FMNL1: variants seen among roughly 807,000 people sequenced by gnomAD.
The protein encoded by FMNL1 is formin like 1.
In FMNL1, 43 loss-of-function variants were observed where a neutral mutation model predicts 121.3. The ratio of observed to expected loss-of-function variants is 0.35; its 90% CI spans 0.28 to 0.46. The LOEUF is 0.46. Ranked by LOEUF, FMNL1 falls within the 20% of genes least tolerant of loss-of-function variation. FMNL1 has a pLI of 1.00. For synonymous variants in FMNL1, 613 were observed against 613.5 expected (o/e 1.00, Z 0.01); for missense variants, 1,191 against 1,482.4 (o/e 0.80, Z 3.23).
At position 45,243,287 on chromosome 17, in the gene FMNL1, T is replaced by C; in HGVS notation, c.2180T>C (p.Leu727Pro). The change falls in exon 17 of 27, where the codon CTG becomes CCG. Residue 727 changes from leucine to proline, a missense_variant. By Grantham distance (98) the Leu-to-Pro change is moderately conservative. Around this residue, in one of 4 missense-constraint regions of FMNL1, gnomAD observed 367 missense variants for 528.6 expected, o/e 0.69. Coordinates refer to ENST00000331495, the MANE Select transcript of FMNL1 (RefSeq NM_005892.4). ...NLAITLRKGNLGAERICQAIE... is the reference protein window; with the variant it reads ...NLAITLRKGNPGAERICQAIE... The stretch of plus-strand genomic sequence containing the variant: ...GCCATCACCCTGCGGAAGGGCAACC[T>C]GGGGGCCGAGCGCATCTGCCAAGCC... The C allele has an allele frequency of 2.5e-6, 4 of 1,613,578 alleles. No individual in the cohort carries two copies. The South Asian group carries it at 4.4e-5, about 18-fold the overall frequency.
Position 45,237,489 on chromosome 17 carries a change from A to C in FMNL1, c.801-57A>C. The C allele has an allele frequency of 6.2e-7, 1 of 1,610,980 alleles. No individual in the cohort carries two copies. Among genetic ancestry groups the C allele is most frequent in the South Asian group, 1.1e-5 (1 of 90,956 alleles). On this transcript the variant is annotated intron_variant, in intron 8 of 26. Coordinates refer to ENST00000331495, the MANE Select transcript of FMNL1 (RefSeq NM_005892.4). This position sits in a 1 kb window ranked among gnomAD's most constrained non-coding sequence, Gnocchi z 4.4. The stretch of plus-strand genomic sequence containing the variant: ...GCTCCTCCTAGCCAGGCCTGTGCCC[A>C]CCCTTGCCGCGGGTCCTGCCTGTTC...
chr17:45,241,047 C>A lies in FMNL1; in HGVS notation c.1231-82C>A, dbSNP rs2043677496. The A allele has an allele frequency of 6.5e-7, 1 of 1,544,750 alleles. No homozygotes were observed. On this transcript the variant is annotated intron_variant, in intron 12 of 26. Transcript: ENST00000331495. The surrounding 1 kb of genome is among the most constrained non-coding windows in gnomAD (Gnocchi z 7.0). ...TGGGAGCCTCCCCCAGTCTTCCAGG[C>A]AGGCATGCCTGATGCCGCCCCCTCA...
intron 11 of FMNL1, 83 bp from the exon 12 acceptor site, chr17:45,240,393 A>G (rs1261684767): frequency 2.3e-5 from 34 of 1,447,542 alleles, no homozygotes; most frequent in Non-Finnish European, 3.0e-5. Context: ...TCTGGATGGC[A>G]GTGGTGGCAG....
At position 45,237,308 on chromosome 17, in the gene FMNL1, C is replaced by A; in HGVS notation, c.751C>A (p.Pro251Thr). Reference sequence around the variant, plus strand: ...TGGCTTCAGCCTTGTCATGAACCACCCAGCCTGTGTCAATGAGATTGCTCT... The same window carrying A: ...TGGCTTCAGCCTTGTCATGAACCACACAGCCTGTGTCAATGAGATTGCTCT... Reference protein sequence around the residue: ...QSGFSLVMNHPACVNEIALSL... With the variant: ...QSGFSLVMNHTACVNEIALSL... The change falls in exon 8 of 27, where the codon CCA (proline) becomes ACA (threonine). Residue 251 changes from proline (P) to threonine (T), a missense_variant. By Grantham distance (38) the Pro-to-Thr change is conservative. This residue lies in a region of FMNL1 where 253 missense variants were observed against 417.5 expected (regional missense o/e 0.61). Coordinates refer to ENST00000331495, the MANE Select transcript of FMNL1 (RefSeq NM_005892.4). The surrounding 1 kb of genome is among the most constrained non-coding windows in gnomAD (Gnocchi z 4.4). 3.1e-6 allele frequency: 5 copies of A among 1,614,184 alleles called. No homozygotes were observed. Among genetic ancestry groups the A allele is most frequent in the Non-Finnish European group, 4.2e-6 (5 of 1,180,030 alleles).
At chr17:45,230,081 C>T (rs2043407465) in intron 1 of FMNL1, among the ~76,000 whole-genome samples, 1 of 152,202 alleles carries the variant, frequency 6.6e-6, no homozygotes, top group Non-Finnish European at 1.5e-5. Context: ...AAGAGATTTC[C>T]TGGTGTTCGT....
At chr17:45,226,811 T>G (rs1319549428) in intron 1 of FMNL1, among the ~76,000 whole-genome samples, 1 of 152,150 alleles carries the variant, frequency 6.6e-6, no homozygotes, top group East Asian at 1.9e-4. Flanking sequence ...TCCACCCTGC[T>G]TGCCCTTGTC....
At chr17:45,240,804 TTC>T in intron 12 of FMNL1, 179 bp downstream of exon 12, 1 of 944,148 alleles carries the variant, frequency 1.1e-6, no homozygotes, top group Non-Finnish European at 1.5e-6. Flanking sequence ...TTGGGTGTCT[TTC>T]TCAATGAGTG....
At chr17:45,223,316 T>C (rs2043267174) in intron 1 of FMNL1, among the ~76,000 whole-genome samples, 1 of 152,180 alleles carries the variant, frequency 6.6e-6, no homozygotes, top group Non-Finnish European at 1.5e-5. Context: ...GCTCAGTTGG[T>C]GGCCCTCCAT....
Position 45,233,097 on chromosome 17 carries a change from G to T in FMNL1, c.328-127G>T, listed in dbSNP as rs779235866. 10 of 855,098 alleles carry T rather than the reference G, an allele frequency of 1.2e-5. No homozygotes were observed. Among genetic ancestry groups the T allele is most frequent in the South Asian group, 1.0e-4 (7 of 69,792 alleles). 53.0% of individuals were successfully genotyped at this position (855,098 alleles called of 1,614,324 possible). A position where few individuals can be genotyped will look rare whatever the true frequency, so the allele number is the denominator to read the frequency against. On this transcript the variant is annotated intron_variant, in intron 3 of 26. Coordinates refer to ENST00000331495, the MANE Select transcript of FMNL1 (RefSeq NM_005892.4). The surrounding 1 kb of genome is among the most constrained non-coding windows in gnomAD (Gnocchi z 4.1). The stretch of plus-strand genomic sequence containing the variant: ...CAGGTGTGTGGAGGTGGTGGGGGAG[G>T]CTGAGCATGAAAGGCCACTTGTGCC...
Position 45,244,251 on chromosome 17 carries a change from G to A in FMNL1, c.2517+7G>A, listed in dbSNP as rs1190624751. The stretch of plus-strand genomic sequence containing the variant: ...ACTCCGCCAGATCCTGGAGGTGAGG[G>A]GCCAGGAGGTGGGGCCCACCCTTGC... On this transcript the variant is annotated splice_region_variant and intron_variant, in intron 19 of 26. Coordinates refer to ENST00000331495, the MANE Select transcript of FMNL1 (RefSeq NM_005892.4). The A allele has an allele frequency of 6.2e-7, 1 of 1,608,340 alleles. No individual in the cohort carries two copies. Among genetic ancestry groups the A allele is most frequent in the South Asian group, 1.1e-5 (1 of 89,906 alleles).
Position 45,245,215 on chromosome 17 carries a change from C to A in FMNL1, c.2729-38C>A, listed in dbSNP as rs376114672. ...ATAATTGGTGGGAGGGCTGCCTCTC[C>A]GATTCACTGACCTGATACTGCCCCA... On this transcript the variant is annotated intron_variant, in intron 21 of 26. Transcript: ENST00000331495. The A allele has an allele frequency of 2.8e-5, 45 of 1,613,352 alleles. No individual in the cohort carries two copies. In the African/African-American group the frequency reaches 5.7e-4, roughly 21 times the overall value.
intron 11 of FMNL1, among the ~76,000 whole-genome samples, chr17:45,239,545 C>T (rs1016750471): frequency 6.6e-6 from 1 of 152,214 alleles, no homozygotes; most frequent in African/African-American, 2.4e-5. Flanking sequence ...CTGGCCCAGG[C>T]TGAGCAGAGA....
intron 1 of FMNL1, 94 bp from the exon 2 acceptor site, chr17:45,230,510 T>C: frequency 8.6e-7 from 1 of 1,156,494 alleles, no homozygotes; most frequent in Admixed American, 1.9e-5. Context: ...ATGCACCTCC[T>C]AGGGAGCCAA....
Position 45,241,156 on chromosome 17 carries a change from A to T in FMNL1, c.1258A>T (p.Asn420Tyr). 1 of 1,614,068 alleles carries T rather than the reference A, an allele frequency of 6.2e-7. No individual in the cohort carries two copies. Among genetic ancestry groups the T allele is most frequent in the Non-Finnish European group, 8.5e-7 (1 of 1,179,966 alleles). The change falls in exon 13 of 27, where the codon AAC (asparagine) becomes TAC (tyrosine). Residue 420 changes from asparagine (N) to tyrosine (Y), a missense_variant. By Grantham distance (143) the Asn-to-Tyr change is moderately radical (BLOSUM62 -2). Around this residue, in one of 4 missense-constraint regions of FMNL1, gnomAD observed 519 missense variants for 492.8 expected, o/e 1.05. Coordinates refer to ENST00000331495, the MANE Select transcript of FMNL1 (RefSeq NM_005892.4). This position sits in a 1 kb window ranked among gnomAD's most constrained non-coding sequence, Gnocchi z 7.0. The part of the protein sequence containing the change: ...LLTERLRDAE[N>Y]ESMAKIAELE... ...GACAGAGCGGCTTCGGGACGCGGAG[A>T]ACGAATCCATGGCCAAGATTGCAGA...
chr17:45,247,212 AGCCTG>A lies in FMNL1; in HGVS notation c.*360_*364del. The A allele has an allele frequency of 1.9e-6, 1 of 520,642 alleles. No homozygotes were observed. Among genetic ancestry groups the A allele is most frequent in the South Asian group, 2.9e-5 (1 of 33,906 alleles). The allele number at this position is 520,642 out of a possible 1,614,324, so 32.3% of individuals were successfully genotyped here. ...AATAGCCATACTTAGCCTCAGCAGG[AGCCTG>A]GCCTGTAACTTATAAAGTGCACCTC... On this transcript the variant is annotated 3_prime_UTR_variant, in exon 27 of 27. Transcript: ENST00000331495.
intron 11 of FMNL1, 117 bp downstream of exon 11, chr17:45,239,182 G>T: frequency 1.3e-6 from 1 of 785,758 alleles, no homozygotes; most frequent in Non-Finnish European, 2.2e-6. Flanking sequence ...TGGCTCTGCC[G>T]TTGCCTGCCG....
At chr17:45,239,313 G>A in intron 11 of FMNL1, 1 of 497,448 alleles carries the variant, frequency 2.0e-6, no homozygotes, top group Admixed American at 3.3e-5. Context: ...CACATACCAG[G>A]CCCCCAGTCT....
intron 1 of FMNL1, among the ~76,000 whole-genome samples, chr17:45,228,041 C>T (rs559565718): frequency 3.3e-5 from 5 of 152,226 alleles, no homozygotes; most frequent in African/African-American, 1.2e-4. Flanking sequence ...TCCGTGTGTC[C>T]CCCAGCCCCC....
At chr17:45,236,505 C>T (rs2043553582) in intron 7 of FMNL1, 3 of 353,388 alleles carry the variant, frequency 8.5e-6, no homozygotes, top group Admixed American at 4.5e-5. Context: ...GGACTGGGCT[C>T]ACCTACCAAG....
Sources: allele counts gnomAD v4.1 joint callset (sites outside exome capture counted in the v4.1 genomes callset), GRCh38; gene constraint gnomAD v4.1.1; regional missense constraint gnomAD v4.1.1; non-coding constraint Gnocchi (gnomAD v3.1); transcripts MANE v1.5; gene names NCBI Gene and HGNC (gene_info 2026-07-23, HGNC 2026-07-21).